Variants in KCNIP1 observed in about 807,000 individuals in gnomAD.
KCNIP1 encodes A-type potassium channel modulatory protein KCNIP1.
KCNIP1 carries 18 observed loss-of-function variants against 33.0 expected under a neutral mutation model. The observed-to-expected ratio is 0.55, with a 90% CI of 0.38 to 0.81. The LOEUF is 0.81. Ranked by LOEUF, KCNIP1 falls within the 30% of genes least tolerant of loss-of-function variation. The pLI is 0.00. For missense variants in KCNIP1, 238 were observed against 271.6 expected, an observed-to-expected ratio of 0.88 and a Z score of 0.87; for synonymous variants, 93 against 98.3, an observed-to-expected ratio of 0.95 and a Z score of 0.32.
intron 1 of KCNIP1, among the ~76,000 whole-genome samples, chr5:170,533,487 A>G (rs1279282311): frequency 6.6e-6 from 1 of 152,212 alleles, no homozygotes; most frequent in Admixed American, 6.5e-5. Context: ...CGGTGCCCCC[A>G]GGCTGAAGAG....
chr5:170,633,713 C>CGAGGGGGCG (rs1760158321), intron 1 of KCNIP1, among the ~76,000 whole-genome samples: 1 of 29,324 alleles, frequency 3.4e-5, no homozygotes, highest in Non-Finnish European at 5.6e-5. Flanking sequence ...GGCGAGGGGG[C>CGAGGGGGCG]GGGGGGGCGG....
chr5:170,587,421 C>CAAAAAAAAAAAAAAAAAAAAAAAAAAA (rs56358014), intron 1 of KCNIP1, among the ~76,000 whole-genome samples: 1 of 70,348 alleles, frequency 1.4e-5, no homozygotes, highest in Non-Finnish European at 2.7e-5. Context: ...GACTCTGTCT[C>CAAAAAAAAAAAAAAAAAAAAAAAAAAA]AAAAAAAAAA....
chr5:170,546,394 C>A (rs1756410330), intron 1 of KCNIP1, among the ~76,000 whole-genome samples: 1 of 152,182 alleles, frequency 6.6e-6, no homozygotes, highest in South Asian at 2.1e-4. Context: ...TAGCAGTGTC[C>A]TATGCGTTAA....
intron 1 of KCNIP1, among the ~76,000 whole-genome samples, chr5:170,453,771 C>T (rs1756310285): frequency 6.6e-6 from 1 of 152,198 alleles, no homozygotes; most frequent in Non-Finnish European, 1.5e-5. Context: ...ATGATGAAGA[C>T]TTCCACGTGG....
intron 1 of KCNIP1, among the ~76,000 whole-genome samples, chr5:170,456,701 T>TTCTTTC: frequency 7.4e-6 from 1 of 135,774 alleles, no homozygotes; most frequent in African/African-American, 3.0e-5. Context: ...CTCTCTCTCT[T>TTCTTTC]TTTCTTTCTT....
intron 1 of KCNIP1, among the ~76,000 whole-genome samples, chr5:170,457,626 C>A (rs571923508): frequency 6.6e-6 from 1 of 152,314 alleles, no homozygotes; most frequent in South Asian, 2.1e-4. Context: ...CAGGAAGCCA[C>A]ATCCCTAGGA....
intron 1 of KCNIP1, among the ~76,000 whole-genome samples, chr5:170,424,513 G>A (rs1466399522): frequency 6.6e-6 from 1 of 152,138 alleles, no homozygotes; most frequent in African/African-American, 2.4e-5. Context: ...TAGCAATGAT[G>A]AGAGCAGTGA....
At chr5:170,681,730 G>C (rs772168237) in intron 1 of KCNIP1, among the ~76,000 whole-genome samples, 2 of 152,318 alleles carry the variant, frequency 1.3e-5, no homozygotes, top group East Asian at 1.9e-4. Flanking sequence ...TCTGACTTCA[G>C]CTCCATTCCT....
At chr5:170,432,665 G>A (rs1050994255) in intron 1 of KCNIP1, among the ~76,000 whole-genome samples, 3 of 152,212 alleles carry the variant, frequency 2.0e-5, no homozygotes, top group Non-Finnish European at 4.4e-5. Flanking sequence ...AAGTGATGAT[G>A]TGTTATCCCA....
chr5:170,671,879 T>A (rs965765720), intron 1 of KCNIP1, among the ~76,000 whole-genome samples: 1 of 152,206 alleles, frequency 6.6e-6, no homozygotes, highest in Non-Finnish European at 1.5e-5. Context: ...AAAGCTTAGA[T>A]GGTAAACTAC....
intron 1 of KCNIP1, among the ~76,000 whole-genome samples, chr5:170,444,910 G>C (rs1204970760): frequency 6.6e-6 from 1 of 152,182 alleles, no homozygotes; most frequent in Non-Finnish European, 1.5e-5. Context: ...ACCCTTTGCA[G>C]AGGGAGAATT....
chr5:170,676,098 AAGGGAGGAAGAAGGG>A (rs1762124605), intron 1 of KCNIP1, among the ~76,000 whole-genome samples: 1 of 133,664 alleles, frequency 7.5e-6, no homozygotes, highest in Admixed American at 7.5e-5. Context: ...TGAAAGAAGG[AAGGGAGGAAGAAGGG>A]AGGGAGGGAG....
chr5:170,625,919 CTGGGGGA>C (rs1759802955), intron 1 of KCNIP1, among the ~76,000 whole-genome samples: 4 of 152,150 alleles, frequency 2.6e-5, no homozygotes, highest in African/African-American at 9.7e-5. Flanking sequence ...GAGCAGTGAC[CTGGGGGA>C]TGGGCATTGC....
intron 1 of KCNIP1, among the ~76,000 whole-genome samples, chr5:170,622,875 C>A (rs1408057850): frequency 6.6e-6 from 1 of 152,136 alleles, no homozygotes; most frequent in Non-Finnish European, 1.5e-5. Context: ...GGTCCCCAAC[C>A]CTTTTGGCAC....
At chr5:170,677,009 C>T (rs1253446273) in intron 1 of KCNIP1, among the ~76,000 whole-genome samples, 1 of 152,208 alleles carries the variant, frequency 6.6e-6, no homozygotes, top group Non-Finnish European at 1.5e-5. Flanking sequence ...TGAAGTAACA[C>T]TCCTTCCTCT....
intron 1 of KCNIP1, among the ~76,000 whole-genome samples, chr5:170,527,953 A>G (rs746150604): frequency 1.3e-5 from 2 of 152,128 alleles, no homozygotes; most frequent in Non-Finnish European, 2.9e-5. Flanking sequence ...ACACACGACA[A>G]TTCTGAAGGG....
At chr5:170,475,414 A>G (rs985151169) in intron 1 of KCNIP1, among the ~76,000 whole-genome samples, 9 of 152,196 alleles carry the variant, frequency 5.9e-5, no homozygotes, top group African/African-American at 2.2e-4. Flanking sequence ...GCTTCTGTCT[A>G]GAAGAGGAGG....
chr5:170,655,804 G>A (rs1029668225), intron 1 of KCNIP1, among the ~76,000 whole-genome samples: 4 of 152,168 alleles, frequency 2.6e-5, no homozygotes, highest in African/African-American at 7.2e-5. Context: ...CCATGTTCCC[G>A]CTGTGGGGGG....
Position 170,508,577 on chromosome 5 carries a change from T to C in KCNIP1, c.61+3944T>C, listed in dbSNP as rs573516514. Among the ~76,000 whole-genome samples, 26 of 152,364 alleles carry C rather than the reference T, an allele frequency of 1.7e-4. No individual in the cohort carries two copies. The East Asian group carries it at 5.0e-3, about 29-fold the overall frequency. ...CAAGGGGCAGGCCTTTGGCAAGTCA[T>C]TTCACCTTGTAAATGCTAGTTTCTT... is the stretch of plus-strand genomic sequence containing the variant. On this transcript the variant is annotated intron_variant, in intron 1 of 7. Transcript: ENST00000328939.
Sources: gnomAD v4.1 joint callset for allele counts (sites outside exome capture counted in the v4.1 genomes callset) on GRCh38, gnomAD v4.1.1 for gene constraint, MANE v1.5 for transcripts, NCBI Gene and HGNC (gene_info 2026-07-23, HGNC 2026-07-21) for gene names.